Variants in NLK observed in about 807,000 individuals in gnomAD.
NLK encodes serine/threonine-protein kinase NLK.
In NLK, 11 loss-of-function variants were observed where a neutral mutation model predicts 59.0. The observed-to-expected ratio is 0.19, with a 90% CI of 0.12 to 0.31. The LOEUF (loss-of-function observed/expected upper bound fraction) is 0.31, where lower values mean the gene tolerates loss of function less well. Among genes scored for constraint, NLK ranks in the 10% least tolerant of loss-of-function variants. The pLI is 1.00. For missense variants in NLK, 410 were observed against 661.1 expected (o/e 0.62, Z 4.16); for synonymous variants, 235 against 235.9 (o/e 1.00, Z 0.03).
intron 2 of NLK, among the ~76,000 whole-genome samples, chr17:28,127,384 T>C (rs1447152140): frequency 1.3e-5 from 2 of 152,206 alleles, no homozygotes; most frequent in South Asian, 2.1e-4. Context: ...TCATACAGTA[T>C]GGGAAAAACA....
At chr17:28,046,333 G>C (rs1214959599) in intron 1 of NLK, among the ~76,000 whole-genome samples, 1 of 152,168 alleles carries the variant, frequency 6.6e-6, no homozygotes, top group Non-Finnish European at 1.5e-5. Flanking sequence ...TGCTGTGACA[G>C]TTCAATTAAG....
At chr17:28,120,256 G>GTA (rs148277954) in intron 1 of NLK, among the ~76,000 whole-genome samples, 27,238 of 150,758 alleles carry the variant, frequency 0.18, 2,580 homozygotes, top group East Asian at 0.33. Flanking sequence ...GTGTGTGTGT[G>GTA]TGTGTGTGTG....
chr17:28,067,577 T>A (rs534066274), intron 1 of NLK, among the ~76,000 whole-genome samples: 11 of 148,918 alleles, frequency 7.4e-5, no homozygotes, highest in East Asian at 3.9e-4. Flanking sequence ...TGGAAAAAAA[T>A]TTTTAAAAGA....
At chr17:28,112,848 G>A (rs982971136) in intron 1 of NLK, among the ~76,000 whole-genome samples, 3 of 152,044 alleles carry the variant, frequency 2.0e-5, no homozygotes, top group Admixed American at 6.5e-5. Context: ...TCCTAATAAT[G>A]TATTCTTGTG....
chr17:28,141,332 TA>T (rs1324398592), intron 3 of NLK, among the ~76,000 whole-genome samples: 1 of 152,250 alleles, frequency 6.6e-6, no homozygotes, highest in African/African-American at 2.4e-5. Context: ...TTTCTTTTAG[TA>T]ACTTTGTCTT....
chr17:28,167,134 G>A (rs113225935), intron 5 of NLK, among the ~76,000 whole-genome samples: 1 of 152,178 alleles, frequency 6.6e-6, no homozygotes, highest in Non-Finnish European at 1.5e-5. Context: ...AAAGACGACA[G>A]ACACAGTCTC....
At chr17:28,203,033 G>A in the NLK span, among the ~76,000 whole-genome samples, 2 of 151,984 alleles carry the variant, frequency 1.3e-5, no homozygotes, top group East Asian at 1.9e-4. Context: ...GATTGTGTCC[G>A]TGTTCAGGGC....
chr17:28,055,183 C>T (rs1243229639), intron 1 of NLK, among the ~76,000 whole-genome samples: 1 of 150,562 alleles, frequency 6.6e-6, no homozygotes, highest in Non-Finnish European at 1.5e-5. Flanking sequence ...GCCTCTGCCT[C>T]TCGGGTTCAA....
chr17:28,198,827 C>T (rs1273351510), downstream of NLK, among the ~76,000 whole-genome samples: 1 of 152,214 alleles, frequency 6.6e-6, no homozygotes, highest in Non-Finnish European at 1.5e-5. Flanking sequence ...GACCTCACCT[C>T]TTGCATCTCA....
In NLK at chr17:28,060,477, GC is replaced by G. The variant is rs1289328459; in HGVS notation, c.458+17149del. Reference sequence around the variant, plus strand: ...AATAGAGACAGGGTTTCACTATGTTGCCCAGACTGGTCTCTAACTCCTGAGC... The same window carrying G: ...AATAGAGACAGGGTTTCACTATGTTGCCAGACTGGTCTCTAACTCCTGAGC... On this transcript the variant is annotated intron_variant, in intron 1 of 10. Transcript: ENST00000407008. Among the ~76,000 whole-genome samples, 8 of 152,088 alleles carry G rather than the reference GC, an allele frequency of 5.3e-5. No homozygotes were observed. In the South Asian group the frequency reaches 1.0e-3, roughly 20 times the overall value.
In NLK at chr17:28,042,687, C is replaced by T; in HGVS notation, c.-187C>T. 2 of 470,580 alleles carry T rather than the reference C, an allele frequency of 4.3e-6. No individual in the cohort carries two copies. Among genetic ancestry groups the T allele is most frequent in the Non-Finnish European group, 7.3e-6 (2 of 275,068 alleles). The allele number at this position is 470,580 out of a possible 1,614,324, so 29.2% of individuals were successfully genotyped here. On this transcript the variant is annotated 5_prime_UTR_variant, in exon 1 of 11. Transcript: ENST00000407008. ...TTTCCCTTTTTTTTCCTTTTGGCAA[C>T]CCACACCCTTCCACACACGCTCACC...
Position 28,168,635 on chromosome 17 carries a change from A to G in NLK, c.1025A>G (p.Gln342Arg). The change falls in exon 6 of 11, where the codon CAG (glutamine) becomes CGG (arginine). Residue 342 changes from glutamine to arginine, a missense_variant. Gln to Arg is a conservative substitution (Grantham distance 43, BLOSUM62 1). Coordinates refer to ENST00000407008, the MANE Select transcript of NLK (RefSeq NM_016231.5). ...CTACTAGGACGAAGAATATTGTTTCAGGCACAGAGTCCCATTCAGCAGGTA... is the reference window on the plus strand; with the variant it reads ...CTACTAGGACGAAGAATATTGTTTCGGGCACAGAGTCCCATTCAGCAGGTA... ...AELLGRRILF[Q>R]AQSPIQQLDL... 1 of 1,613,598 alleles carries G rather than the reference A, an allele frequency of 6.2e-7. No homozygotes were observed. Among genetic ancestry groups the G allele is most frequent in the Non-Finnish European group, 8.5e-7 (1 of 1,179,540 alleles).
chr17:28,105,555 T>C (rs1282964239), intron 1 of NLK, among the ~76,000 whole-genome samples: 1 of 152,222 alleles, frequency 6.6e-6, no homozygotes, highest in Non-Finnish European at 1.5e-5. Flanking sequence ...TGGATTCTTT[T>C]TCAAAGGTTG....
chr17:28,092,265 G>T (rs148403200), intron 1 of NLK, among the ~76,000 whole-genome samples: 5 of 151,610 alleles, frequency 3.3e-5, no homozygotes, highest in African/African-American at 4.9e-5. Context: ...AAGAAAAGGC[G>T]GGGGGGTGGG....
chr17:28,138,758 C>T (rs1434728000), intron 3 of NLK, among the ~76,000 whole-genome samples: 1 of 152,182 alleles, frequency 6.6e-6, no homozygotes, highest in African/African-American at 2.4e-5. Context: ...TAAACATAAG[C>T]ATCAACTGTG....
chr17:28,170,413 G>C (rs535679005), intron 6 of NLK, among the ~76,000 whole-genome samples: 1 of 151,668 alleles, frequency 6.6e-6, no homozygotes, highest in East Asian at 1.9e-4. Flanking sequence ...TTTCTACAAA[G>C]AATTTTTACC....
intron 5 of NLK, among the ~76,000 whole-genome samples, chr17:28,165,544 A>ACATACAAATTCATTGAAGATCAT (rs1908187030): frequency 6.6e-6 from 1 of 152,206 alleles, no homozygotes; most frequent in Non-Finnish European, 1.5e-5. Context: ...TTCTTCTCAA[A>ACATACAAATTCATTGAAGATCAT]CATACAAATT....
At chr17:28,150,930 A>G (rs1386024895) in intron 3 of NLK, among the ~76,000 whole-genome samples, 1 of 152,228 alleles carries the variant, frequency 6.6e-6, no homozygotes, top group Non-Finnish European at 1.5e-5. Context: ...ATCCAATGGT[A>G]ACTTAAAGGG....
chr17:28,047,056 A>G (rs1326604391), intron 1 of NLK, among the ~76,000 whole-genome samples: 2 of 152,136 alleles, frequency 1.3e-5, no homozygotes, highest in Admixed American at 1.3e-4. Flanking sequence ...ATCTCGATAA[A>G]TTATTTGACT....
Sources: gnomAD v4.1 joint callset for allele counts (sites outside exome capture counted in the v4.1 genomes callset) on GRCh38, gnomAD v4.1.1 for gene constraint, MANE v1.5 for transcripts, NCBI Gene and HGNC (gene_info 2026-07-23, HGNC 2026-07-21) for gene names.